NME5: variants seen among roughly 807,000 people sequenced by gnomAD.
NME5 encodes the protein NME/NM23 family member 5, also known as nucleoside diphosphate kinase 5.
NME5 carries 18 observed loss-of-function variants against 21.6 expected under a neutral mutation model. That is an observed-to-expected ratio of 0.83 (90% CI 0.58 to 1.24). The LOEUF (loss-of-function observed/expected upper bound fraction) is 1.24. Among genes scored for constraint, NME5 ranks in the 50% most tolerant of loss-of-function variants. The probability of loss-of-function intolerance (pLI) is 0.00; values close to 1 mark genes in which losing one functional copy is unlikely to be tolerated. For missense variants in NME5, 223 were observed against 255.4 expected (o/e 0.87, Z 0.86); for synonymous variants, 70 against 80.6 (o/e 0.87, Z 0.71).
intron 2 of NME5, among the ~76,000 whole-genome samples, chr5:138,137,842 T>C (rs752100750): frequency 6.6e-6 from 1 of 151,238 alleles, no homozygotes; most frequent in Non-Finnish European, 1.5e-5. Context: ...CTACTAAAAA[T>C]ACAAACATTA....
At chr5:138,132,667 C>T (rs374091733) in intron 2 of NME5, among the ~76,000 whole-genome samples, 1 of 152,112 alleles carries the variant, frequency 6.6e-6, no homozygotes, top group East Asian at 1.9e-4. Context: ...GGTAAAATTG[C>T]TTGGTTTGTA....
At chr5:138,137,546 G>C (rs896390094) in intron 2 of NME5, among the ~76,000 whole-genome samples, 32 of 151,250 alleles carry the variant, frequency 2.1e-4, no homozygotes, top group Admixed American at 1.8e-3. Flanking sequence ...TCAAACTCCT[G>C]ACCTTATGAT....
At chr5:138,117,183 T>G (rs1304363503) in intron 5 of NME5, among the ~76,000 whole-genome samples, 6 of 105,382 alleles carry the variant, frequency 5.7e-5, no homozygotes, top group Non-Finnish European at 8.9e-5. Flanking sequence ...GACTCCAGCA[T>G]GGGGAACAAA....
chr5:138,128,468 C>G lies in NME5; in HGVS notation c.436+11G>C, dbSNP rs755329838. 6.2e-7 allele frequency: 1 copy of G among 1,601,290 alleles called. No homozygotes were observed. Among genetic ancestry groups the G allele is most frequent in the Non-Finnish European group, 8.5e-7 (1 of 1,170,470 alleles). ...GAGATGCAGTTGACAAGTTAGTCAT[C>G]TGTAACTCACCTTCAGGAAACATAA... On this transcript the variant is annotated intron_variant, in intron 4 of 5. Transcript: ENST00000265191.
intron 4 of NME5, among the ~76,000 whole-genome samples, chr5:138,121,326 G>A (rs1751281394): frequency 6.6e-6 from 1 of 152,046 alleles, no homozygotes; most frequent in Non-Finnish European, 1.5e-5. Context: ...CTACTCAGGA[G>A]GCTAAGGTGG....
At chr5:138,127,570 C>T in intron 4 of NME5, 20 of 983,962 alleles carry the variant, frequency 2.0e-5, no homozygotes, top group Non-Finnish European at 2.4e-5. Flanking sequence ...CAAAATTTTG[C>T]TCAATGCTTT....
chr5:138,132,299 G>A (rs187317853), intron 2 of NME5, among the ~76,000 whole-genome samples: 4 of 152,094 alleles, frequency 2.6e-5, no homozygotes, highest in East Asian at 1.9e-4. Flanking sequence ...GCAGTGAGCC[G>A]AAATCATGCC....
At position 138,138,658 on chromosome 5, in the gene NME5, A is replaced by C. The variant is rs1196504689; in HGVS notation, c.123T>G (p.Ile41Met). The change falls in exon 2 of 6, where the codon ATT (isoleucine) becomes ATG (methionine). Residue 41 changes from isoleucine (I) to methionine (M), a missense_variant. Transcript: ENST00000265191. ...CATCATACCCAGAAGTTACCTGAAC[A>C]ATGGTGAATCCGGATCTAAGAATAA... Reference protein sequence around the residue: ...QDIILRSGFTIVQRRKLRLSP... With the variant: ...QDIILRSGFTMVQRRKLRLSP... 8 of 1,610,962 alleles carry C rather than the reference A, an allele frequency of 5.0e-6. No individual in the cohort carries two copies. Among genetic ancestry groups the C allele is most frequent in the Non-Finnish European group, 6.8e-6 (8 of 1,179,278 alleles).
intron 4 of NME5, among the ~76,000 whole-genome samples, chr5:138,119,493 C>T (rs965308200): frequency 2.0e-5 from 3 of 151,998 alleles, no homozygotes; most frequent in Non-Finnish European, 4.4e-5. Context: ...CCACCATGCT[C>T]GGCCCTAATT....
chr5:138,134,023 G>T (rs900868733), intron 2 of NME5, among the ~76,000 whole-genome samples: 1 of 152,176 alleles, frequency 6.6e-6, no homozygotes, highest in African/African-American at 2.4e-5. Flanking sequence ...AAAAAATGAA[G>T]GATGTACCAT....
At chr5:138,131,871 G>A (rs1055631979) in intron 2 of NME5, among the ~76,000 whole-genome samples, 4 of 151,946 alleles carry the variant, frequency 2.6e-5, no homozygotes, top group Non-Finnish European at 4.4e-5. Context: ...AGCCTCCTGA[G>A]TAGCTGGGAT....
chr5:138,130,362 T>C (rs1751532779), intron 2 of NME5, among the ~76,000 whole-genome samples: 1 of 151,818 alleles, frequency 6.6e-6, no homozygotes, highest in Non-Finnish European at 1.5e-5. Flanking sequence ...GCCTGGGCGA[T>C]AAAGCAGACC....
intron 4 of NME5, among the ~76,000 whole-genome samples, chr5:138,119,776 C>T (rs1751242751): frequency 6.6e-6 from 1 of 152,084 alleles, no homozygotes; most frequent in Non-Finnish European, 1.5e-5. Context: ...CCTGCCTCAG[C>T]CTCCTGAGTA....
At chr5:138,122,441 T>TATAAAAAAAAAAAAAAAAAAAAAA (rs1751305688) in intron 4 of NME5, among the ~76,000 whole-genome samples, 1 of 34,452 alleles carries the variant, frequency 2.9e-5, no homozygotes, top group Non-Finnish European at 5.2e-5. Context: ...ACTCTGTCTC[T>TATAAAAAAAAAAAAAAAAAAAAAA]AAAAAAAAAA....
rs533690621 is a variant in NME5, at chr5:138,118,377, G to A, written c.555+441C>T. ...CCTGACCTAGTGATCCACCCACCTC[G>A]GCCTCCCAAAGTGCTGGGATAATAG... On this transcript the variant is annotated intron_variant, in intron 5 of 5. Transcript: ENST00000265191. 7.9e-5 allele frequency among the ~76,000 whole-genome samples: 12 copies of A among 152,072 alleles called. No individual in the cohort carries two copies. The East Asian group carries it at 1.8e-3, about 22-fold the overall frequency.
At chr5:138,139,233 C>T (rs1751811797) in intron 1 of NME5, 138 bp downstream of exon 1, 1 of 403,214 alleles carries the variant, frequency 2.5e-6, no homozygotes, top group Non-Finnish European at 3.4e-6. Context: ...GGCCAGCTGC[C>T]TCTGTGAAGC....
intron 2 of NME5, among the ~76,000 whole-genome samples, chr5:138,132,491 T>C (rs1471556263): frequency 6.6e-6 from 1 of 152,106 alleles, no homozygotes; most frequent in African/African-American, 2.4e-5. Context: ...TGATGAAAAA[T>C]GGAGATATGT....
At chr5:138,119,652 C>A (rs1464782443) in intron 4 of NME5, among the ~76,000 whole-genome samples, 2 of 137,478 alleles carry the variant, frequency 1.5e-5, no homozygotes, top group Non-Finnish European at 3.2e-5. Context: ...TTTTTCTTTT[C>A]TTTTCTTTAT....
chr5:138,138,596 T>A, intron 2 of NME5, 56 bp downstream of exon 2: 2 of 906,548 alleles, frequency 2.2e-6, no homozygotes. Flanking sequence ...TACATAAGCA[T>A]TTTTTTTTTA....
Sources: allele counts gnomAD v4.1 joint callset (sites outside exome capture counted in the v4.1 genomes callset), GRCh38; gene constraint gnomAD v4.1.1; transcripts MANE v1.5; gene names NCBI Gene and HGNC (gene_info 2026-07-23, HGNC 2026-07-21).